The following MMS22L variants were observed in gnomAD, a reference collection of about 807,000 sequenced individuals.
MMS22L encodes MMS22 like, DNA repair protein.
MMS22L carries 74 observed loss-of-function variants against 159.1 expected under a neutral mutation model. That is an observed-to-expected ratio of 0.47 (90% CI 0.39 to 0.56). The LOEUF (loss-of-function observed/expected upper bound fraction) is 0.56, where lower values mean the gene tolerates loss of function less well. MMS22L is among the 20% of genes least tolerant of loss of function. The pLI is 0.00. For synonymous variants in MMS22L, 517 were observed against 506.9 expected (o/e 1.02, Z -0.27); for missense variants, 1,351 against 1,422.1 (o/e 0.95, Z 0.80).
At chr6:97,186,445 T>C in intron 15 of MMS22L, 52 bp downstream of exon 15, 1 of 1,488,906 alleles carries the variant, frequency 6.7e-7, no homozygotes, top group Non-Finnish European at 9.1e-7. Context: ...AGGAAAATAC[T>C]GACAAAGAGT....
chr6:97,186,212 C>T (rs1416055188), intron 15 of MMS22L, among the ~76,000 whole-genome samples: 6 of 151,970 alleles, frequency 3.9e-5, no homozygotes, highest in Admixed American at 1.3e-4. Context: ...TTGAATCACA[C>T]GTAATCAAAT....
At chr6:97,201,166 A>C (rs756514447) in intron 14 of MMS22L, among the ~76,000 whole-genome samples, 23 of 152,184 alleles carry the variant, frequency 1.5e-4, no homozygotes, top group Non-Finnish European at 2.8e-4. Context: ...TGTGTAAAAG[A>C]TTGTGAAAGG....
At position 97,246,697 on chromosome 6, in the gene MMS22L, A is replaced by G. The variant is rs779119990; in HGVS notation, c.1120-7T>C. Reference sequence around the variant, plus strand: ...AATTTGATTCCACTTTTCTCTAGAAAGGGAGAAAATAGTGCATCAAAATTA... The same window carrying G: ...AATTTGATTCCACTTTTCTCTAGAAGGGGAGAAAATAGTGCATCAAAATTA... On this transcript the variant is annotated splice_polypyrimidine_tract_variant and splice_region_variant and intron_variant, in intron 10 of 24. Coordinates refer to ENST00000683635, the MANE Select transcript of MMS22L (RefSeq NM_001350599.2). 5.3e-6 allele frequency: 8 copies of G among 1,521,856 alleles called. No homozygotes were observed. The highest frequency in any genetic ancestry group is 1.7e-4 in the Middle Eastern group (1 of 5,850). 94.3% of individuals were successfully genotyped at this position (1,521,856 alleles called of 1,614,324 possible). A position where few individuals can be genotyped will look rare whatever the true frequency, so the allele number is the denominator to read the frequency against.
At chr6:97,270,325 A>G (rs1398219964) in intron 6 of MMS22L, 1 of 467,842 alleles carries the variant, frequency 2.1e-6, no homozygotes, top group East Asian at 6.4e-5. Context: ...TATTTTCATA[A>G]TTTTGTTTTA....
chr6:97,193,618 T>A (rs1806127732), intron 14 of MMS22L, among the ~76,000 whole-genome samples: 1 of 152,224 alleles, frequency 6.6e-6, no homozygotes, highest in South Asian at 2.1e-4. Flanking sequence ...TATCTGTATA[T>A]CTTTCTACAA....
chr6:97,158,588 C>A (rs1268843798), intron 22 of MMS22L, among the ~76,000 whole-genome samples: 1 of 152,146 alleles, frequency 6.6e-6, no homozygotes, highest in Admixed American at 6.6e-5. Context: ...CACTCGGGAG[C>A]AGCTTGTTCA....
At chr6:97,159,993 G>T in intron 22 of MMS22L, among the ~76,000 whole-genome samples, 1 of 84,442 alleles carries the variant, frequency 1.2e-5, no homozygotes. Flanking sequence ...TATTTGAGTT[G>T]CCATGTGGAG....
In MMS22L at chr6:97,174,273, A is replaced by T. The variant is rs370032091; in HGVS notation, c.2680-1051T>A. Among the ~76,000 whole-genome samples the T allele has an allele frequency of 1.5e-3, 222 of 151,646 alleles. 3 individuals are homozygous for T. The highest frequency in any genetic ancestry group is 3.4e-3 in the Middle Eastern group (1 of 294). On this transcript the variant is annotated intron_variant, in intron 18 of 24. Transcript: ENST00000683635. ...TCAAAAAAAAAATAAAAAAAAAAAA[A>T]AAATAAAAAGAAAGTTTAAGTAAAC...
chr6:97,263,291 T>G, intron 9 of MMS22L, 44 bp downstream of exon 9: 1 of 1,167,232 alleles, frequency 8.6e-7, no homozygotes, highest in Non-Finnish European at 1.2e-6. Flanking sequence ...TAAATCAATA[T>G]AAAGGTTAGT....
intron 20 of MMS22L, among the ~76,000 whole-genome samples, chr6:97,167,234 G>A (rs1477377576): frequency 6.6e-6 from 1 of 151,988 alleles, no homozygotes; most frequent in Non-Finnish European, 1.5e-5. Flanking sequence ...GATTTCCCAC[G>A]TTAGTAAGTA....
chr6:97,220,737 A>G (rs187351632), intron 14 of MMS22L, among the ~76,000 whole-genome samples: 1 of 151,002 alleles, frequency 6.6e-6, no homozygotes, highest in African/African-American at 2.5e-5. Context: ...TACCTTTAAA[A>G]ATTACTTTTT....
intron 18 of MMS22L, among the ~76,000 whole-genome samples, chr6:97,176,969 T>C (rs1804189696): frequency 6.6e-6 from 1 of 152,138 alleles, no homozygotes; most frequent in South Asian, 2.1e-4. Flanking sequence ...AATTTAAAAC[T>C]GAATTCCTCA....
At chr6:97,270,352 T>A (rs993901176) in intron 6 of MMS22L, 1 of 445,614 alleles carries the variant, frequency 2.2e-6, no homozygotes, top group South Asian at 1.6e-5. Context: ...AGCTAGGAAA[T>A]TTTTTTTAAT....
chr6:97,216,276 C>T lies in MMS22L; in HGVS notation c.2039+12618G>A, dbSNP rs77265247. 9.4e-3 allele frequency among the ~76,000 whole-genome samples: 1,426 copies of T among 152,104 alleles called. 24 individuals are homozygous for T. The highest frequency in any genetic ancestry group is 0.031 in the African/African-American group (1,303 of 41,510). ...AACTATAATGAATCTATTTTCTCCA[C>T]AATTTATAGTGCCTTCTGAGGTTTT... On this transcript the variant is annotated intron_variant, in intron 14 of 24. Transcript: ENST00000683635.
rs1334877499 is a variant in MMS22L at position 97,181,910 on chromosome 6, T to C, written c.2378A>G (p.Gln793Arg). 1 of 1,612,070 alleles carries C rather than the reference T, an allele frequency of 6.2e-7. No homozygotes were observed. Among genetic ancestry groups the C allele is most frequent in the East Asian group, 2.2e-5 (1 of 44,862 alleles). Residue 793 changes from glutamine (Q) to arginine (R), a missense_variant, in exon 16 of 25, where the codon CAA becomes CGA. Physicochemically the swap from Gln to Arg is conservative, Grantham distance 43. Transcript: ENST00000683635. ...CTGAAATAAAAGCACGTACCTATTT[T>C]GTAGGACATGACTTAAATATCTTGC... is the stretch of plus-strand genomic sequence containing the variant. ...VVARYLSHVL[Q>R]NSTLCEALSH...
chr6:97,259,129 G>A (rs1299030324), intron 9 of MMS22L: 1 of 152,004 alleles, frequency 6.6e-6, no homozygotes, highest in South Asian at 2.1e-4. Flanking sequence ...CACACACATT[G>A]CCTTTTTCCT....
Position 97,229,340 on chromosome 6 carries a change from A to G in MMS22L, c.1593T>C (p.Phe531=), listed in dbSNP as rs147477209. The change falls in exon 14 of 25, where the codon TTT becomes TTC. Residue 531 remains phenylalanine (F), a synonymous_variant. Transcript: ENST00000683635. ...EELTEVGLQN[F]FSLFLLLAAV... ...CTGCTAACAGTAGAAAAAGGCTAAA[A>G]AAGTTCTGTAGACCAACTTCAGTTA... The G allele has an allele frequency of 1.0e-4, 164 of 1,612,580 alleles. 1 individual carries two copies. The African/African-American group carries it at 2.0e-3, about 19-fold the overall frequency.
intron 22 of MMS22L, among the ~76,000 whole-genome samples, chr6:97,157,127 A>G (rs1470962743): frequency 6.6e-6 from 1 of 151,886 alleles, no homozygotes; most frequent in Non-Finnish European, 1.5e-5. Context: ...TCTGTCTGTT[A>G]TTGGTGTATA....
At chr6:97,258,189 C>A (rs1005401475) in intron 9 of MMS22L, among the ~76,000 whole-genome samples, 2 of 152,158 alleles carry the variant, frequency 1.3e-5, no homozygotes, top group Admixed American at 6.5e-5. Flanking sequence ...ACCTAAAATT[C>A]TTTACCTATT....
Sources: allele counts gnomAD v4.1 joint callset (sites outside exome capture counted in the v4.1 genomes callset), GRCh38; gene constraint gnomAD v4.1.1; transcripts MANE v1.5; gene names NCBI Gene and HGNC (gene_info 2026-07-23, HGNC 2026-07-21).